The following BRDT variants were observed in gnomAD, a reference collection of about 807,000 sequenced individuals.
BRDT encodes the protein bromodomain testis-specific protein.
BRDT carries 77 observed loss-of-function variants against 113.9 expected under a neutral mutation model. The ratio of observed to expected loss-of-function variants is 0.68; its 90% CI spans 0.56 to 0.82. The LOEUF (loss-of-function observed/expected upper bound fraction) is 0.82, where lower values mean the gene tolerates loss of function less well. Ranked by LOEUF, BRDT falls within the 40% of genes least tolerant of loss-of-function variation. The pLI is 0.00. For synonymous variants in BRDT, 358 were observed against 366.5 expected, an observed-to-expected ratio of 0.98 and a Z score of 0.26; for missense variants, 1,027 against 1,105.4, an observed-to-expected ratio of 0.93 and a Z score of 1.01.
At chr1:92,010,777 GA>G (rs368445071) in intron 18 of BRDT, among the ~76,000 whole-genome samples, 19 of 151,956 alleles carry the variant, frequency 1.3e-4, no homozygotes, top group African/African-American at 4.4e-4. Context: ...TTAAACTGCT[GA>G]AAAAATGGAA....
chr1:91,993,931 T>A (rs544105783), intron 14 of BRDT, 152 bp from the exon 15 acceptor site: 1 of 658,526 alleles, frequency 1.5e-6, no homozygotes, highest in South Asian at 3.3e-5. Flanking sequence ...AAGATAGGGA[T>A]AACTATACAT....
intron 1 of BRDT, chr1:91,957,612 ACAAT>A (rs1570427839): frequency 6.6e-6 from 1 of 152,342 alleles, no homozygotes; most frequent in East Asian, 1.9e-4. Context: ...TACGTTTGTT[ACAAT>A]CAATGAACCT....
intron 1 of BRDT, among the ~76,000 whole-genome samples, chr1:91,954,930 C>A (rs1051039314): frequency 6.6e-6 from 1 of 152,152 alleles, no homozygotes; most frequent in African/African-American, 2.4e-5. Flanking sequence ...CACTGCACTC[C>A]AGCCTGGGTG....
intron 1 of BRDT, among the ~76,000 whole-genome samples, chr1:91,954,004 C>T (rs1570409941): frequency 1.3e-5 from 2 of 151,898 alleles, no homozygotes; most frequent in African/African-American, 4.8e-5. Flanking sequence ...CAGAGTCTCC[C>T]TCTGTTGCCC....
At chr1:91,982,619 A>G (rs1684824300) in intron 12 of BRDT, among the ~76,000 whole-genome samples, 1 of 152,232 alleles carries the variant, frequency 6.6e-6, no homozygotes, top group Admixed American at 6.5e-5. Flanking sequence ...TCTTAGCATT[A>G]TTAAAAGCAT....
At chr1:91,993,949 T>G in intron 14 of BRDT, 134 bp from the exon 15 acceptor site, 1 of 738,088 alleles carries the variant, frequency 1.4e-6, no homozygotes, top group Non-Finnish European at 2.1e-6. Context: ...CATTATAGAT[T>G]TGTGTGACTT....
chr1:91,981,077 A>T lies in BRDT; in HGVS notation c.1649A>T (p.Asp550Val). Reference protein sequence around the residue: ...REPSLSNSNPDEIEIDFETLK... With the variant: ...REPSLSNSNPVEIEIDFETLK... Reference sequence around the variant, plus strand: ...CCTTCTCTGAGCAATTCCAATCCTGATGAGATAGAGATAGACTTTGAAACA... The same window carrying T: ...CCTTCTCTGAGCAATTCCAATCCTGTTGAGATAGAGATAGACTTTGAAACA... Residue 550 changes from aspartate to valine, a missense_variant, in exon 10 of 19, where the codon GAT becomes GTT. Asp to Val is a radical substitution (Grantham distance 152, BLOSUM62 -3). Coordinates refer to ENST00000399546, the MANE Select transcript of BRDT (RefSeq NM_207189.4). 1 of 1,614,118 alleles carries T rather than the reference A, an allele frequency of 6.2e-7. No homozygotes were observed. The highest frequency in any genetic ancestry group is 1.1e-5 in the South Asian group (1 of 91,080).
chr1:92,012,297 A>AG (rs1687867435), intron 18 of BRDT, among the ~76,000 whole-genome samples: 1 of 148,146 alleles, frequency 6.8e-6, no homozygotes, highest in Non-Finnish European at 1.5e-5. Context: ...AACTCCATCT[A>AG]GAAAAAAAAA....
At chr1:92,001,268 G>T (rs142503969) in intron 15 of BRDT, among the ~76,000 whole-genome samples, 1 of 152,190 alleles carries the variant, frequency 6.6e-6, no homozygotes, top group Admixed American at 6.5e-5. Context: ...TCATCCTTAC[G>T]TTCCCAGTGC....
chr1:91,976,339 G>A lies in BRDT; in HGVS notation c.519G>A (p.Lys173=). ...SSPSATEKVF[K]QQEIPSVFPK... ...CCAGCGCAACAGAAAAAGTATTTAA[G>A]CAGCAAGAAATTCCTTCTGTATTTC... Residue 173 remains lysine (K), a synonymous_variant, in exon 5 of 19, where the codon AAG becomes AAA. Transcript: ENST00000399546. The A allele has an allele frequency of 6.2e-7, 1 of 1,612,764 alleles. No homozygotes were observed. Among genetic ancestry groups the A allele is most frequent in the Non-Finnish European group, 8.5e-7 (1 of 1,179,514 alleles).
chr1:91,979,843 T>C lies in BRDT; in HGVS notation c.1287+86T>C, dbSNP rs774921165. 7.2e-5 allele frequency: 93 copies of C among 1,292,858 alleles called. No individual in the cohort carries two copies. The Middle Eastern group carries it at 1.2e-3, about 17-fold the overall frequency. The allele number at this position is 1,292,858 out of a possible 1,614,324, so 80.1% of individuals were successfully genotyped here. A position where few individuals can be genotyped will look rare whatever the true frequency, so the allele number is the denominator to read the frequency against. On this transcript the variant is annotated intron_variant, in intron 8 of 18. Coordinates refer to ENST00000399546, the MANE Select transcript of BRDT (RefSeq NM_207189.4). ...TTTTTCTGCAGATTTAAAGCTGTTA[T>C]AGTTAAATCGCTTCATAACTGTGGC... is the stretch of plus-strand genomic sequence containing the variant.
At chr1:91,982,988 T>TGA (rs1355448611) in intron 12 of BRDT, among the ~76,000 whole-genome samples, 1 of 152,190 alleles carries the variant, frequency 6.6e-6, no homozygotes, top group African/African-American at 2.4e-5. Context: ...CACTTTGTCT[T>TGA]TTATTTGTAG....
chr1:91,996,263 T>A (rs1198310149), intron 15 of BRDT, among the ~76,000 whole-genome samples: 4 of 152,168 alleles, frequency 2.6e-5, no homozygotes, highest in African/African-American at 9.7e-5. Flanking sequence ...TTATTTATTT[T>A]TTTGACACAG....
At position 91,972,718 on chromosome 1, in the gene BRDT, A is replaced by G. The variant is rs144913952; in HGVS notation, c.446-3548A>G. On this transcript the variant is annotated intron_variant, in intron 4 of 18. Coordinates refer to ENST00000399546, the MANE Select transcript of BRDT (RefSeq NM_207189.4). ...TAAATAATTCTAACTATTCCTCACT[A>G]TGCATATCTAATTAGCTCCTGAGTT... 5.8e-3 allele frequency among the ~76,000 whole-genome samples: 885 copies of G among 152,308 alleles called. 10 individuals carry two copies. The highest frequency in any genetic ancestry group is 0.042 in the Admixed American group (638 of 15,300).
intron 18 of BRDT, among the ~76,000 whole-genome samples, chr1:92,012,560 G>A (rs1687889254): frequency 6.6e-6 from 1 of 152,196 alleles, no homozygotes; most frequent in Admixed American, 6.5e-5. Context: ...GCTTAGAATA[G>A]AACTTAAAGG....
At chr1:91,973,166 G>A (rs1484804570) in intron 4 of BRDT, among the ~76,000 whole-genome samples, 3 of 152,212 alleles carry the variant, frequency 2.0e-5, no homozygotes, top group African/African-American at 7.2e-5. Context: ...CTAGAGTGAG[G>A]TAAGGGCAGA....
Position 91,979,643 on chromosome 1 carries a change from A to G in BRDT, c.1173A>G (p.Thr391=), listed in dbSNP as rs1207705226. The change falls in exon 8 of 19, where the codon ACA becomes ACG. Residue 391 remains threonine, a synonymous_variant. Transcript: ENST00000399546. ...GTATGCCTTTATGTTACATCAAAAC[A>G]GATATCACAGAAACCACTGGTAGAG... ...VESMPLCYIK[T]DITETTGREN... is the part of the protein sequence containing the mutation. The G allele has an allele frequency of 1.9e-6, 3 of 1,614,108 alleles. No individual in the cohort carries two copies. The highest frequency in any genetic ancestry group is 1.1e-5 in the South Asian group (1 of 91,068).
intron 1 of BRDT, among the ~76,000 whole-genome samples, chr1:91,962,181 A>G (rs1682545386): frequency 8.1e-6 from 1 of 123,136 alleles, no homozygotes; most frequent in Non-Finnish European, 1.7e-5. Flanking sequence ...AAAAAAAAAA[A>G]AAAAAAAAAA....
intron 12 of BRDT, among the ~76,000 whole-genome samples, chr1:91,988,138 T>A (rs1223260066): frequency 1.3e-5 from 2 of 152,060 alleles, no homozygotes; most frequent in Non-Finnish European, 2.9e-5. Flanking sequence ...TGAGCCACCG[T>A]GCCCGGCCTA....
Sources: gnomAD v4.1 joint callset for allele counts (sites outside exome capture counted in the v4.1 genomes callset) on GRCh38, gnomAD v4.1.1 for gene constraint, MANE v1.5 for transcripts, NCBI Gene and HGNC (gene_info 2026-07-23, HGNC 2026-07-21) for gene names.